The following OTOF variants were observed in gnomAD, a reference collection of about 807,000 sequenced individuals.
OTOF encodes the protein fer-1-like family member 2.
In OTOF, 218 loss-of-function variants were observed where a neutral mutation model predicts 236.8. That is an observed-to-expected ratio of 0.92 (90% CI 0.82 to 1.03). The LOEUF is 1.03. Ranked by LOEUF, OTOF falls within the 50% of genes least tolerant of loss-of-function variation. OTOF has a pLI of 0.00. For missense variants in OTOF, 2,590 were observed against 2,694.4 expected, an observed-to-expected ratio of 0.96 and a Z score of 0.86; for synonymous variants, 1,041 against 1,072.5, an observed-to-expected ratio of 0.97 and a Z score of 0.57.
At chr2:26,472,965 C>T (rs959263741) in intron 29 of OTOF, among the ~76,000 whole-genome samples, 167 bp downstream of exon 29, 2 of 152,174 alleles carry the variant, frequency 1.3e-5, no homozygotes, top group South Asian at 2.1e-4. Flanking sequence ...GTAGAGCTGG[C>T]GTCACCTTGG....
chr2:26,556,649 G>C (rs552528543), intron 1 of OTOF, among the ~76,000 whole-genome samples: 9 of 152,266 alleles, frequency 5.9e-5, no homozygotes, highest in African/African-American at 1.2e-4. Context: ...CTGGCCCCCA[G>C]GTGGCCCAGG....
chr2:26,472,402 A>G, intron 30 of OTOF, 117 bp downstream of exon 30: 1 of 1,316,550 alleles, frequency 7.6e-7, no homozygotes, highest in South Asian at 1.2e-5. Flanking sequence ...CGACAGTCAC[A>G]TGCCAAAGGA....
At chr2:26,554,197 C>G (rs1422849995) in intron 1 of OTOF, among the ~76,000 whole-genome samples, 3 of 146,494 alleles carry the variant, frequency 2.0e-5, no homozygotes, top group Non-Finnish European at 4.5e-5. Flanking sequence ...AATCGTTAGG[C>G]CCCTCTGGAG....
In OTOF at chr2:26,457,734, C is replaced by T. The variant is rs1664254505; in HGVS notation, c.*504G>A. On this transcript the variant is annotated 3_prime_UTR_variant, in exon 47 of 47. Coordinates refer to ENST00000272371, the MANE Select transcript of OTOF (RefSeq NM_194248.3). The surrounding 1 kb of genome is among the most constrained non-coding windows in gnomAD (Gnocchi z 4.4). ...CCTGGGGAGGGTTTCAGGAGTCTTC[C>T]TCTGGAGCCTGGGCCTGAAGAAGGG... The T allele has an allele frequency of 4.9e-6, 2 of 404,318 alleles. No individual in the cohort carries two copies. Among genetic ancestry groups the T allele is most frequent in the Non-Finnish European group, 9.0e-6 (2 of 222,832 alleles). The allele number at this position is 404,318 out of a possible 1,614,324, so 25.0% of individuals were successfully genotyped here.
intron 5 of OTOF, 106 bp downstream of exon 5, chr2:26,516,312 C>T: frequency 1.2e-5 from 13 of 1,066,394 alleles, no homozygotes; most frequent in Admixed American, 2.0e-5. Context: ...CAGCCCTGTA[C>T]TCTGAGCCCA....
rs1195466904 is a variant in OTOF, at chr2:26,473,245, A to G, written c.3620T>C (p.Val1207Ala). ...GTAGCGACCGAAGGCCCGGCAGTCC[A>G]CCACACGGATGTTCAAGGGCGGGTG... ...LLHPPLNIRV[V>A]DCRAFGRYTL... is the part of the protein sequence containing the mutation. Residue 1207 changes from valine to alanine, a missense_variant, in exon 29 of 47, where the codon GTG becomes GCG. By Grantham distance (64) the Val-to-Ala change is moderately conservative. Around this residue, in one of 2 missense-constraint regions of OTOF, gnomAD observed 1,211 missense variants for 1,352.8 expected, o/e 0.90. Transcript: ENST00000272371. This position sits in a 1 kb window ranked among gnomAD's most constrained non-coding sequence, Gnocchi z 7.2. 6.2e-7 allele frequency: 1 copy of G among 1,613,340 alleles called. No individual in the cohort carries two copies. The highest frequency in any genetic ancestry group is 1.3e-5 in the African/African-American group (1 of 74,910).
chr2:26,476,230 G>T lies in OTOF; in HGVS notation c.2764C>A (p.Arg922Ser). The stretch of plus-strand genomic sequence containing the variant: ...GGCAGGCCGCACAGGAACTCCTTGC[G>T]CTGTTTGCTGAGGCCCAGCCACAGG... The part of the protein sequence containing the change: ...LYLWLGLSKQ[R>S]KEFLCGLPCG... The change falls in exon 23 of 47, where the codon CGC (arginine) becomes AGC (serine). Residue 922 changes from arginine (R) to serine (S), a missense_variant. Arg to Ser is a moderately radical substitution (Grantham distance 110). Coordinates refer to ENST00000272371, the MANE Select transcript of OTOF (RefSeq NM_194248.3). 3.1e-6 allele frequency: 5 copies of T among 1,608,658 alleles called. No homozygotes were observed. Among genetic ancestry groups the T allele is most frequent in the Non-Finnish European group, 4.2e-6 (5 of 1,179,820 alleles).
In OTOF at chr2:26,473,283, C is replaced by T; in HGVS notation, c.3582G>A (p.Glu1194=). 6.2e-7 allele frequency: 1 copy of T among 1,613,276 alleles called. No individual in the cohort carries two copies. Among genetic ancestry groups the T allele is most frequent in the Non-Finnish European group, 8.5e-7 (1 of 1,179,836 alleles). The change falls in exon 29 of 47, where the codon GAG becomes GAA. Residue 1194 remains glutamate, a synonymous_variant. Transcript: ENST00000272371. The surrounding 1 kb of genome is among the most constrained non-coding windows in gnomAD (Gnocchi z 7.2). Reference sequence around the variant, plus strand: ...TCAAGGGCGGGTGCAGCAGCTCGTTCTCTGGGAGGTCCTGGGGTGTTGGCG... The same window carrying T: ...TCAAGGGCGGGTGCAGCAGCTCGTTTTCTGGGAGGTCCTGGGGTGTTGGCG... ...LVKWFEVDLP[E]NELLHPPLNI... is the part of the protein sequence containing the mutation.
rs773214630 is a variant in OTOF, at chr2:26,516,578, G to C, written c.349C>G (p.Arg117Gly). ...ACTGTGCCGTCAGTGGCCTGATACC[G>C]GACCTCCACGCACAGGCTGGTCTGA... ...IIKTSLCVEV[R>G]YQATDGTVGS... The change falls in exon 5 of 47, where the codon CGG becomes GGG. Residue 117 changes from arginine (R) to glycine (G), a missense_variant. Coordinates refer to ENST00000272371, the MANE Select transcript of OTOF (RefSeq NM_194248.3). The C allele has an allele frequency of 6.2e-7, 1 of 1,607,834 alleles. No individual in the cohort carries two copies. The highest frequency in any genetic ancestry group is 8.5e-7 in the Non-Finnish European group (1 of 1,179,974).
In OTOF at chr2:26,461,107, C is replaced by G; in HGVS notation, c.5534-77G>C. On this transcript the variant is annotated intron_variant, in intron 43 of 46. Coordinates refer to ENST00000272371, the MANE Select transcript of OTOF (RefSeq NM_194248.3). The surrounding 1 kb of genome is among the most constrained non-coding windows in gnomAD (Gnocchi z 6.2). ...GGTGGGGGTGGGGGTCTGGGCTCCT[C>G]GGCCCCTTGTTTGCTGAGTGCAGAC... is the stretch of plus-strand genomic sequence containing the variant. 1 of 1,146,842 alleles carries G rather than the reference C, an allele frequency of 8.7e-7. No homozygotes were observed. The highest frequency in any genetic ancestry group is 1.3e-6 in the Non-Finnish European group (1 of 792,912). 71.0% of individuals were successfully genotyped at this position (1,146,842 alleles called of 1,614,324 possible).
intron 9 of OTOF, among the ~76,000 whole-genome samples, chr2:26,494,014 T>C (rs999190095): frequency 7.2e-5 from 11 of 152,206 alleles, no homozygotes; most frequent in African/African-American, 2.7e-4. Context: ...TCTCTATTTC[T>C]CACATCCCTC....
Position 26,479,523 on chromosome 2 carries a change from G to T in OTOF, c.2043C>A (p.Asp681Glu). 1 of 1,606,310 alleles carries T rather than the reference G, an allele frequency of 6.2e-7. No homozygotes were observed. The highest frequency in any genetic ancestry group is 8.5e-7 in the Non-Finnish European group (1 of 1,177,280). ...ASDDEAGDAG[D>E]LASVSSTPPM... is the part of the protein sequence containing the mutation. ...GTGGAGTGGAGGAGACTGAGGCCAG[G>T]TCCCCGGCATCACCGGCCTCGTCAT... is the stretch of plus-strand genomic sequence containing the variant. Residue 681 changes from aspartate (D) to glutamate (E), a missense_variant, in exon 17 of 47, where the codon GAC becomes GAA. Physicochemically the swap from Asp to Glu is conservative, Grantham distance 45 (BLOSUM62 2). Around this residue, in one of 2 missense-constraint regions of OTOF, gnomAD observed 1,379 missense variants for 1,341.6 expected, o/e 1.03. Transcript: ENST00000272371.
chr2:26,496,522 G>A (rs1304518925), intron 8 of OTOF, among the ~76,000 whole-genome samples: 1 of 152,080 alleles, frequency 6.6e-6, no homozygotes, highest in African/African-American at 2.4e-5. Flanking sequence ...ATGCAGGCAC[G>A]AGCCACTGTG....
intron 18 of OTOF, among the ~76,000 whole-genome samples, chr2:26,478,216 C>T (rs1463997230): frequency 6.6e-6 from 1 of 152,122 alleles, no homozygotes; most frequent in Non-Finnish European, 1.5e-5. Context: ...AGACCCAGGT[C>T]CCACAGGAAA....
At chr2:26,480,398 C>A in intron 15 of OTOF, 87 bp from the exon 16 acceptor site, 1 of 847,426 alleles carries the variant, frequency 1.2e-6, no homozygotes, top group South Asian at 1.4e-5. Context: ...ACAGACAGGC[C>A]GTGGGGGTGG....
chr2:26,556,159 G>A (rs1415643597), intron 1 of OTOF, among the ~76,000 whole-genome samples: 1 of 152,202 alleles, frequency 6.6e-6, no homozygotes, highest in Non-Finnish European at 1.5e-5. Flanking sequence ...ACCTCCCCCG[G>A]CATTGACTTT....
At chr2:26,539,122 A>C (rs1387503442) in intron 1 of OTOF, among the ~76,000 whole-genome samples, 7 of 152,056 alleles carry the variant, frequency 4.6e-5, no homozygotes, top group Admixed American at 4.6e-4. Flanking sequence ...CTCCAGTACA[A>C]CACCATTCAG....
intron 3 of OTOF, among the ~76,000 whole-genome samples, chr2:26,526,033 G>A (rs1666792802): frequency 6.8e-6 from 1 of 146,172 alleles, no homozygotes; most frequent in Non-Finnish European, 1.5e-5. Context: ...GTTGCAGTGA[G>A]CCGAGATCAG....
intron 5 of OTOF, among the ~76,000 whole-genome samples, chr2:26,505,559 A>G: frequency 6.6e-6 from 1 of 152,208 alleles, no homozygotes; most frequent in East Asian, 1.9e-4. Flanking sequence ...TGAGGGCCAC[A>G]TACTTCTCCT....
Sources: allele counts gnomAD v4.1 joint callset (sites outside exome capture counted in the v4.1 genomes callset), GRCh38; gene constraint gnomAD v4.1.1; regional missense constraint gnomAD v4.1.1; non-coding constraint Gnocchi (gnomAD v3.1); transcripts MANE v1.5; gene names NCBI Gene and HGNC (gene_info 2026-07-23, HGNC 2026-07-21).